ADGRV1: variants seen among roughly 807,000 people sequenced by gnomAD.
ADGRV1 encodes the protein adhesion G protein-coupled receptor V1.
A neutral mutation model predicts 596.2 loss-of-function variants in ADGRV1; 359 were observed. That is an observed-to-expected ratio of 0.60 (90% CI 0.55 to 0.66). The LOEUF (loss-of-function observed/expected upper bound fraction) is 0.66, where lower values mean the gene tolerates loss of function less well. ADGRV1 is among the 30% of genes least tolerant of loss of function. The pLI is 0.00. For synonymous variants in ADGRV1, 2,681 were observed against 2,679.2 expected, an observed-to-expected ratio of 1.00 and a Z score of -0.02; for missense variants, 7,274 against 7,575.6, an observed-to-expected ratio of 0.96 and a Z score of 1.48.
chr5:91,125,935 T>C (rs967733219), intron 87 of ADGRV1, among the ~76,000 whole-genome samples: 1 of 152,248 alleles, frequency 6.6e-6, no homozygotes, highest in Non-Finnish European at 1.5e-5. Flanking sequence ...CCTTTTTAAA[T>C]GTTTCAAACC....
chr5:90,800,606 T>C (rs977248652), intron 70 of ADGRV1, among the ~76,000 whole-genome samples: 5 of 152,228 alleles, frequency 3.3e-5, no homozygotes, highest in Non-Finnish European at 5.9e-5. Context: ...ATCATTCTAC[T>C]GTAAATACAC....
At chr5:90,769,178 A>C (rs914676955) in intron 59 of ADGRV1, among the ~76,000 whole-genome samples, 1 of 152,160 alleles carries the variant, frequency 6.6e-6, no homozygotes, top group Non-Finnish European at 1.5e-5. Flanking sequence ...CAGAGCATCC[A>C]CCACTGAGAT....
intron 71 of ADGRV1, 100 bp downstream of exon 71, chr5:90,802,982 A>C (rs1266104721): frequency 3.1e-5 from 27 of 870,358 alleles, no homozygotes; most frequent in Non-Finnish European, 3.8e-5. Flanking sequence ...ATGAGTAACT[A>C]TTTTCTTAAA....
chr5:90,721,525 AAAAATAAAAAT>A (rs920754814), intron 45 of ADGRV1, among the ~76,000 whole-genome samples: 3 of 80,658 alleles, frequency 3.7e-5, no homozygotes, highest in Middle Eastern at 5.3e-3. Context: ...AAAATAAAAT[AAAAATAAAAAT>A]AAAATAAAAT....
chr5:91,080,386 C>A (rs1232611308), intron 86 of ADGRV1, among the ~76,000 whole-genome samples: 2 of 151,992 alleles, frequency 1.3e-5, no homozygotes, highest in Non-Finnish European at 2.9e-5. Flanking sequence ...CAGGGCTGCT[C>A]AGTTGTGGGA....
intron 52 of ADGRV1, 60 bp downstream of exon 52, chr5:90,745,855 T>C (rs1754569673): frequency 1.1e-6 from 1 of 899,572 alleles, no homozygotes; most frequent in South Asian, 1.5e-5. Flanking sequence ...TGTATTTGTG[T>C]ATTAGCTATT....
chr5:91,116,214 T>C (rs1410880732), intron 87 of ADGRV1, among the ~76,000 whole-genome samples: 1 of 152,222 alleles, frequency 6.6e-6, no homozygotes, highest in Non-Finnish European at 1.5e-5. Context: ...ATGTCACCAT[T>C]TTCCTCTGCA....
At chr5:90,923,493 A>T (rs1774082688) in intron 83 of ADGRV1, among the ~76,000 whole-genome samples, 1 of 152,182 alleles carries the variant, frequency 6.6e-6, no homozygotes, top group Non-Finnish European at 1.5e-5. Flanking sequence ...GGATATATAC[A>T]TAAAACAGCT....
rs1176092482 is a variant in ADGRV1 at position 90,783,822 on chromosome 5, CCTT to C, written c.13434-12_13434-10del. The C allele has an allele frequency of 7.0e-6, 11 of 1,573,758 alleles. No homozygotes were observed. The highest frequency in any genetic ancestry group is 5.8e-5 in the South Asian group (5 of 86,584). ...ATATGTTTAGACTCACAGAATTGCT[CCTT>C]CTTGCCATGCAGTGAATTTGAGGAG... On this transcript the variant is annotated splice_polypyrimidine_tract_variant and intron_variant, in intron 66 of 89. Coordinates refer to ENST00000405460, the MANE Select transcript of ADGRV1 (RefSeq NM_032119.4).
At chr5:90,560,671 C>T (rs1754701969) in intron 1 of ADGRV1, among the ~76,000 whole-genome samples, 1 of 152,110 alleles carries the variant, frequency 6.6e-6, no homozygotes, top group African/African-American at 2.4e-5. Context: ...TTATGTAACA[C>T]TGAGTCTTCA....
rs59848977 is a variant in ADGRV1 at position 91,080,046 on chromosome 5, A to AAT, written c.18310+7455_18310+7456dup. Among the ~76,000 whole-genome samples the AAT allele has an allele frequency of 8.8e-3, 1,335 of 151,262 alleles. 8 individuals are homozygous for AAT. The highest frequency in any genetic ancestry group is 0.013 in the Non-Finnish European group (910 of 67,714). On this transcript the variant is annotated intron_variant, in intron 86 of 89. Transcript: ENST00000405460. ...AATTTCACGTATGTTATCTCAGTTT[A>AAT]ATATATATATATATGTACATAATAT...
At chr5:91,028,732 GTTTTTTTTT>G (rs397998676) in intron 85 of ADGRV1, among the ~76,000 whole-genome samples, 1 of 95,912 alleles carries the variant, frequency 1.0e-5, no homozygotes, top group Non-Finnish European at 1.9e-5. Context: ...ACTAGACTCT[GTTTTTTTTT>G]TTTTTTTTTT....
intron 57 of ADGRV1, 112 bp downstream of exon 57, chr5:90,757,273 T>C (rs1032545260): frequency 3.9e-6 from 3 of 760,006 alleles, no homozygotes; most frequent in Non-Finnish European, 6.4e-6. Flanking sequence ...ACTCTAAATG[T>C]TTCTATGTTA....
intron 87 of ADGRV1, among the ~76,000 whole-genome samples, chr5:91,126,103 C>G (rs941420646): frequency 1.3e-4 from 20 of 152,328 alleles, no homozygotes; most frequent in Non-Finnish European, 2.4e-4. Context: ...TGGGGCAGTT[C>G]CCTAACCAGT....
chr5:90,959,610 T>C (rs1581633268), intron 83 of ADGRV1, among the ~76,000 whole-genome samples: 1 of 151,962 alleles, frequency 6.6e-6, no homozygotes, highest in East Asian at 1.9e-4. Flanking sequence ...CATAGACAAA[T>C]AGATCAAGGG....
chr5:90,842,901 A>G (rs1765556606), intron 78 of ADGRV1, among the ~76,000 whole-genome samples: 1 of 152,134 alleles, frequency 6.6e-6, no homozygotes, highest in African/African-American at 2.4e-5. Flanking sequence ...TATGTACATC[A>G]ATACTGAAAT....
chr5:90,850,348 A>G (rs865924336), intron 79 of ADGRV1, among the ~76,000 whole-genome samples: 7 of 152,192 alleles, frequency 4.6e-5, no homozygotes, highest in African/African-American at 1.2e-4. Context: ...GAAAAGCCTC[A>G]CATGGGGCTT....
At chr5:91,049,935 C>T (rs574778045) in intron 85 of ADGRV1, among the ~76,000 whole-genome samples, 1 of 152,310 alleles carries the variant, frequency 6.6e-6, no homozygotes, top group East Asian at 1.9e-4. Flanking sequence ...GGTTTGGAAA[C>T]ACCTCATAAA....
Position 90,647,777 on chromosome 5 carries a change from T to C in ADGRV1, c.3289+13T>C, listed in dbSNP as rs1768007633. On this transcript the variant is annotated intron_variant, in intron 17 of 89. Coordinates refer to ENST00000405460, the MANE Select transcript of ADGRV1 (RefSeq NM_032119.4). ...TTGAATTCAACAGGTAAGTAAATTA[T>C]GCTTTTTTATGGCAGATCTGCCTCA... is the stretch of plus-strand genomic sequence containing the variant. The C allele has an allele frequency of 6.2e-7, 1 of 1,605,260 alleles. No individual in the cohort carries two copies. Among genetic ancestry groups the C allele is most frequent in the Non-Finnish European group, 8.5e-7 (1 of 1,175,054 alleles).
Sources: gnomAD v4.1 joint callset for allele counts (sites outside exome capture counted in the v4.1 genomes callset) on GRCh38, gnomAD v4.1.1 for gene constraint, MANE v1.5 for transcripts, NCBI Gene and HGNC (gene_info 2026-07-23, HGNC 2026-07-21) for gene names.